ACTN1: variants seen among roughly 807,000 people sequenced by gnomAD.
ACTN1 encodes the protein alpha-actinin-1.
ACTN1 carries 30 observed loss-of-function variants against 119.6 expected under a neutral mutation model. That is an observed-to-expected ratio of 0.25 (90% CI 0.19 to 0.34). ACTN1 has a LOEUF of 0.34. Ranked by LOEUF, ACTN1 falls within the 10% of genes least tolerant of loss-of-function variation. The pLI is 1.00. For synonymous variants in ACTN1, 429 were observed against 472.6 expected, an observed-to-expected ratio of 0.91 and a Z score of 1.20; for missense variants, 764 against 1,223.4, an observed-to-expected ratio of 0.62 and a Z score of 5.60.
At chr14:68,959,957 A>G (rs1018468720) in intron 1 of ACTN1, among the ~76,000 whole-genome samples, 2 of 152,360 alleles carry the variant, frequency 1.3e-5, no homozygotes, top group Non-Finnish European at 1.5e-5. Context: ...ACACATCGAC[A>G]TCCATGTTGT....
intron 1 of ACTN1, among the ~76,000 whole-genome samples, chr14:68,955,147 T>C (rs1376940351): frequency 6.6e-6 from 1 of 152,100 alleles, no homozygotes; most frequent in Non-Finnish European, 1.5e-5. Context: ...CCTATGAAGC[T>C]CCCACAGGGA....
intron 1 of ACTN1, among the ~76,000 whole-genome samples, chr14:68,940,718 G>T (rs150090815): frequency 4.6e-5 from 7 of 151,646 alleles, no homozygotes; most frequent in African/African-American, 1.7e-4. Flanking sequence ...CTCTCCCCAG[G>T]GTCATTTCTC....
chr14:68,924,045 C>T (rs914170008), intron 2 of ACTN1, among the ~76,000 whole-genome samples: 1 of 152,166 alleles, frequency 6.6e-6, no homozygotes, highest in African/African-American at 2.4e-5. Context: ...TGATTCCACT[C>T]GTACAAGGTA....
At position 68,909,242 on chromosome 14, in the gene ACTN1, C is replaced by T; in HGVS notation, c.594+76G>A. 7.0e-7 allele frequency: 1 copy of T among 1,420,052 alleles called. No homozygotes were observed. The highest frequency in any genetic ancestry group is 9.9e-7 in the Non-Finnish European group (1 of 1,008,280). 88.0% of individuals were successfully genotyped at this position (1,420,052 alleles called of 1,614,324 possible). On this transcript the variant is annotated intron_variant, in intron 6 of 21. Transcript: ENST00000394419. The surrounding 1 kb of genome is among the most constrained non-coding windows in gnomAD (Gnocchi z 4.1). The stretch of plus-strand genomic sequence containing the variant: ...CAGGCTGGACCATGGACTGTCACAA[C>T]AAGGGTCCTAGTCCTGCTCTTTTCC...
In ACTN1 at chr14:68,882,507, A is replaced by T. The variant is rs758344433; in HGVS notation, c.1904T>A (p.Phe635Tyr). 2 of 1,614,152 alleles carry T rather than the reference A, an allele frequency of 1.2e-6. No individual in the cohort carries two copies. The highest frequency in any genetic ancestry group is 2.2e-5 in the East Asian group (1 of 44,872). ...CCCGATGACATTGGCCTGGGCTCCA[A>T]ACTGCTTGCGTAGCCTCTCATTGTG... ...QQHNERLRKQ[F>Y]GAQANVIGPW... Residue 635 changes from phenylalanine (F) to tyrosine (Y), a missense_variant, in exon 16 of 22, where the codon TTT becomes TAT. Phe to Tyr is a conservative substitution (Grantham distance 22, BLOSUM62 3). Coordinates refer to ENST00000394419, the MANE Select transcript of ACTN1 (RefSeq NM_001130004.2). The surrounding 1 kb of genome is among the most constrained non-coding windows in gnomAD (Gnocchi z 4.5).
intron 7 of ACTN1, 147 bp from the exon 8 acceptor site, chr14:68,902,709 C>G: frequency 1.5e-6 from 1 of 658,760 alleles, no homozygotes; most frequent in Non-Finnish European, 2.7e-6. Flanking sequence ...CGTCAACTTG[C>G]GCTTATGGGA....
intron 1 of ACTN1, 130 bp downstream of exon 1, chr14:68,978,822 A>ACCGCCC (rs920325840): frequency 1.9e-6 from 1 of 535,510 alleles, no homozygotes; most frequent in Non-Finnish European, 3.0e-6. Flanking sequence ...CAACGGCCGC[A>ACCGCCC]CCGCCCCCGC....
intron 21 of ACTN1, among the ~76,000 whole-genome samples, chr14:68,875,918 G>C (rs1436795608): frequency 1.3e-5 from 2 of 152,220 alleles, no homozygotes; most frequent in African/African-American, 4.8e-5. Flanking sequence ...CTTCTTTGTA[G>C]GTTCAGCCTT....
At chr14:68,964,987 C>T (rs1324191346) in intron 1 of ACTN1, among the ~76,000 whole-genome samples, 1 of 152,158 alleles carries the variant, frequency 6.6e-6, no homozygotes, top group African/African-American at 2.4e-5. Context: ...AATTGACCAC[C>T]CACACACTAG....
chr14:68,962,370 G>A (rs1414361375), intron 1 of ACTN1, among the ~76,000 whole-genome samples: 1 of 152,118 alleles, frequency 6.6e-6, no homozygotes, highest in Non-Finnish European at 1.5e-5. Context: ...GGAAACCCAC[G>A]GCAGTGATGG....
rs114649889 is a variant in ACTN1 at position 68,946,603 on chromosome 14, C to T, written c.106-20931G>A. Among the ~76,000 whole-genome samples the T allele has an allele frequency of 4.2e-3, 633 of 152,298 alleles. 7 individuals are homozygous for T. The highest frequency in any genetic ancestry group is 0.014 in the African/African-American group (596 of 41,568). On this transcript the variant is annotated intron_variant, in intron 1 of 21. Transcript: ENST00000394419. ...GCTGGGTCCATGCTGCCTAAGACCG[C>T]GCCTACGCTCTGACACCTGTGGATT...
chr14:68,927,120 A>G (rs77349009), intron 1 of ACTN1, among the ~76,000 whole-genome samples: 4,057 of 152,256 alleles, frequency 0.027, 195 homozygotes, highest in African/African-American at 0.091. Flanking sequence ...GTGCTATCCC[A>G]GAGCTCTGGG....
chr14:68,971,814 G>A (rs563048821), intron 1 of ACTN1, among the ~76,000 whole-genome samples: 2 of 152,186 alleles, frequency 1.3e-5, no homozygotes, highest in African/African-American at 4.8e-5. Context: ...AAGGACCAAG[G>A]AGGCAGTTTC....
chr14:68,885,713 A>C lies in ACTN1; in HGVS notation c.1235-138T>G. On this transcript the variant is annotated intron_variant, in intron 11 of 21. Transcript: ENST00000394419. This position sits in a 1 kb window ranked among gnomAD's most constrained non-coding sequence, Gnocchi z 5.6. ...AGGTGCCCATTGTGCAGGGATCTGC[A>C]GGGTGCAAAAGCAGATGTGCAACTA... 9.8e-7 allele frequency: 1 copy of C among 1,024,150 alleles called. No individual in the cohort carries two copies. Among genetic ancestry groups the C allele is most frequent in the South Asian group, 1.6e-5 (1 of 61,826 alleles). The allele number at this position is 1,024,150 out of a possible 1,614,324, so 63.4% of individuals were successfully genotyped here.
intron 1 of ACTN1, among the ~76,000 whole-genome samples, chr14:68,969,366 A>T (rs2036805647): frequency 6.6e-6 from 1 of 152,206 alleles, no homozygotes. Flanking sequence ...TGCCTCCAGG[A>T]AAACACAATT....
chr14:68,912,025 A>G, intron 4 of ACTN1, 131 bp downstream of exon 4: 1 of 739,588 alleles, frequency 1.4e-6, no homozygotes. Context: ...CTGATGCCCA[A>G]TAAATGAGCA....
intron 21 of ACTN1, among the ~76,000 whole-genome samples, chr14:68,875,621 T>C (rs2030806794): frequency 6.6e-6 from 1 of 152,224 alleles, no homozygotes; most frequent in Non-Finnish European, 1.5e-5. Context: ...AGCTGCTTCT[T>C]TTAGGAGCTT....
rs771815018 is a variant in ACTN1 at position 68,879,079 on chromosome 14, C to T, written c.2281-10G>A. The T allele has an allele frequency of 3.1e-6, 5 of 1,601,332 alleles. No individual in the cohort carries two copies. The highest frequency in any genetic ancestry group is 4.3e-6 in the Non-Finnish European group (5 of 1,172,540). On this transcript the variant is annotated splice_polypyrimidine_tract_variant and intron_variant, in intron 18 of 21. Coordinates refer to ENST00000394419, the MANE Select transcript of ACTN1 (RefSeq NM_001130004.2). The surrounding 1 kb of genome is among the most constrained non-coding windows in gnomAD (Gnocchi z 4.9). The stretch of plus-strand genomic sequence containing the variant: ...GTGTGCCGGAGTGATCCTGGGGCCG[C>T]GGTGCGCCAGGCAGCGAGCCATGCG...
At chr14:68,936,487 G>T in intron 1 of ACTN1, 1 of 334,770 alleles carries the variant, frequency 3.0e-6, no homozygotes, top group Non-Finnish European at 5.6e-6. Flanking sequence ...GTACCAAAAT[G>T]TGCTGTCATT....
Sources: allele counts gnomAD v4.1 joint callset (sites outside exome capture counted in the v4.1 genomes callset), GRCh38; gene constraint gnomAD v4.1.1; non-coding constraint Gnocchi (gnomAD v3.1); transcripts MANE v1.5; gene names NCBI Gene and HGNC (gene_info 2026-07-23, HGNC 2026-07-21).